Variants in NUGGC observed in about 807,000 individuals in gnomAD.
NUGGC encodes nuclear GTPase SLIP-GC.
Under a neutral mutation model 92.6 loss-of-function variants are expected in NUGGC, and 58 were observed. The observed-to-expected ratio is 0.63, with a 90% CI of 0.51 to 0.78. The LOEUF is 0.78. Among genes scored for constraint, NUGGC ranks in the 30% least tolerant of loss-of-function variants. The pLI is 0.00. For synonymous variants in NUGGC, 376 were observed against 366.4 expected (o/e 1.03, Z -0.30); for missense variants, 925 against 964.6 (o/e 0.96, Z 0.54).
At chr8:28,030,466 G>C in intron 15 of NUGGC, 48 bp from the exon 16 acceptor site, 1 of 1,010,090 alleles carries the variant, frequency 9.9e-7, no homozygotes, top group Non-Finnish European at 1.5e-6. Flanking sequence ...TCCTTCAATG[G>C]AAGCAGGTCA....
At chr8:28,057,162 G>A (rs1238533548) in intron 9 of NUGGC, among the ~76,000 whole-genome samples, 1 of 152,092 alleles carries the variant, frequency 6.6e-6, no homozygotes, top group Non-Finnish European at 1.5e-5. Context: ...GACATTACAA[G>A]AAAAAGTTGA....
intron 12 of NUGGC, among the ~76,000 whole-genome samples, chr8:28,042,091 G>C (rs1809714974): frequency 6.6e-6 from 1 of 152,108 alleles, no homozygotes; most frequent in African/African-American, 2.4e-5. Flanking sequence ...TATAAAACAT[G>C]CCACCATGTA....
At chr8:28,029,974 G>A (rs1026583296) in intron 16 of NUGGC, among the ~76,000 whole-genome samples, 6 of 152,174 alleles carry the variant, frequency 3.9e-5, no homozygotes, top group African/African-American at 1.4e-4. Flanking sequence ...GAAAGAGCCT[G>A]AAAATGAGTT....
intron 1 of NUGGC, among the ~76,000 whole-genome samples, chr8:28,082,285 A>G (rs1314119628): frequency 6.6e-6 from 1 of 152,242 alleles, no homozygotes; most frequent in Non-Finnish European, 1.5e-5. Context: ...TTAGGATGAC[A>G]TGTTTTTCTC....
intron 13 of NUGGC, among the ~76,000 whole-genome samples, chr8:28,036,293 C>T (rs1465968488): frequency 6.6e-6 from 1 of 152,214 alleles, no homozygotes; most frequent in Non-Finnish European, 1.5e-5. Context: ...TGCTACCTCT[C>T]AGGCTTTTCC....
intron 10 of NUGGC, among the ~76,000 whole-genome samples, chr8:28,054,541 T>G (rs1423157419): frequency 6.6e-6 from 1 of 152,122 alleles, no homozygotes; most frequent in Admixed American, 6.6e-5. Context: ...TTGTACCTAC[T>G]TTAGTGATAA....
At chr8:28,054,525 G>A (rs1332763255) in intron 10 of NUGGC, among the ~76,000 whole-genome samples, 1 of 152,046 alleles carries the variant, frequency 6.6e-6, no homozygotes, top group Non-Finnish European at 1.5e-5. Flanking sequence ...ATAATAAGTT[G>A]TATGTTTGTA....
In NUGGC at chr8:28,045,644, TCTTAA is replaced by T; in HGVS notation, c.1324_1328del (p.Leu442ArgfsTer21). On this transcript the variant is annotated frameshift_variant, in exon 12 of 19. Transcript: ENST00000413272. LOFTEE classifies it high-confidence loss of function. ...CCAAGAGGCTCTTCCTGATGTATTC[TCTTAA>T]CTTAGGGATTTCTGGAATTCACAGG... 6.2e-7 allele frequency: 1 copy of T among 1,611,528 alleles called. No individual in the cohort carries two copies. The highest frequency in any genetic ancestry group is 8.5e-7 in the Non-Finnish European group (1 of 1,179,308).
chr8:28,056,501 T>C (rs950218940), intron 9 of NUGGC, among the ~76,000 whole-genome samples: 1 of 150,914 alleles, frequency 6.6e-6, no homozygotes, highest in Non-Finnish European at 1.5e-5. Context: ...AAATACACAG[T>C]TGACCCTTGG....
intron 7 of NUGGC, among the ~76,000 whole-genome samples, chr8:28,061,514 T>C (rs1309349805): frequency 6.6e-6 from 1 of 152,238 alleles, no homozygotes; most frequent in African/African-American, 2.4e-5. Context: ...AATTAAATCA[T>C]CATTTTGCTT....
intron 12 of NUGGC, 140 bp from the exon 13 acceptor site, chr8:28,041,355 A>G: frequency 1.2e-6 from 1 of 808,792 alleles, no homozygotes; most frequent in East Asian, 2.7e-5. Flanking sequence ...TTGTCCCCAT[A>G]AGACCTCACT....
intron 10 of NUGGC, among the ~76,000 whole-genome samples, chr8:28,054,001 G>A (rs1436843328): frequency 6.6e-6 from 1 of 152,142 alleles, no homozygotes; most frequent in African/African-American, 2.4e-5. Context: ...ATTATTGAAG[G>A]CAAAATACAG....
At chr8:28,035,748 T>A (rs1236173657) in intron 13 of NUGGC, among the ~76,000 whole-genome samples, 2 of 152,226 alleles carry the variant, frequency 1.3e-5, no homozygotes, top group Non-Finnish European at 1.5e-5. Context: ...TGAGGACCCT[T>A]GGGGCCACTG....
chr8:28,074,565 C>A, intron 1 of NUGGC, 109 bp from the exon 2 acceptor site: 2 of 696,320 alleles, frequency 2.9e-6, no homozygotes, highest in Non-Finnish European at 5.1e-6. Context: ...CCCATTCCAA[C>A]GTATCTCTGA....
chr8:28,047,511 T>G lies in NUGGC; in HGVS notation c.1308A>C (p.Glu436Asp). The stretch of plus-strand genomic sequence containing the variant: ...GATTTAAAAAACATAAATTACCCGT[T>G]TCCTCCTCGGTGAGGAGAGCCTGCT... ...YWQQALLTEE[E>D]TEIPKLREYI... is the part of the protein sequence containing the mutation. Residue 436 changes from glutamate (E) to aspartate (D), a missense_variant, in exon 11 of 19, where the codon GAA becomes GAC. By Grantham distance (45) the Glu-to-Asp change is conservative. Coordinates refer to ENST00000413272, the MANE Select transcript of NUGGC (RefSeq NM_001010906.2). 3 of 1,533,522 alleles carry G rather than the reference T, an allele frequency of 2.0e-6. No individual in the cohort carries two copies. Among genetic ancestry groups the G allele is most frequent in the Non-Finnish European group, 1.8e-6 (2 of 1,129,242 alleles). 95.0% of individuals were successfully genotyped at this position (1,533,522 alleles called of 1,614,324 possible). A position where few individuals can be genotyped will look rare whatever the true frequency, so the allele number is the denominator to read the frequency against.
rs530973121 is a variant in NUGGC at position 28,081,242 on chromosome 8, C to T, written c.-47+2533G>A. Among the ~76,000 whole-genome samples the T allele has an allele frequency of 2.1e-4, 32 of 152,136 alleles. No homozygotes were observed. The East Asian group carries it at 6.2e-3, about 29-fold the overall frequency. ...ACTGAGGCAGGAGAGTCACTTGAAG[C>T]CAGGAAACAGAGGTTGCAGTGAGTT... is the stretch of plus-strand genomic sequence containing the variant. On this transcript the variant is annotated intron_variant, in intron 1 of 18. Coordinates refer to ENST00000413272, the MANE Select transcript of NUGGC (RefSeq NM_001010906.2).
chr8:28,023,597 A>T (rs1477283353), intron 18 of NUGGC, 135 bp from the exon 19 acceptor site: 2 of 865,152 alleles, frequency 2.3e-6, no homozygotes, highest in Non-Finnish European at 3.5e-6. Context: ...ATCAGACATC[A>T]AAGCAGGTGT....
intron 10 of NUGGC, among the ~76,000 whole-genome samples, chr8:28,054,824 G>A (rs895664837): frequency 6.6e-6 from 1 of 151,562 alleles, no homozygotes; most frequent in Non-Finnish European, 1.5e-5. Flanking sequence ...GAGGCAGGAG[G>A]ATCACTTCAG....
At position 28,023,103 on chromosome 8, in the gene NUGGC, T is replaced by C. The variant is rs901728080; in HGVS notation, c.*214A>G. 2.4e-6 allele frequency: 1 copy of C among 424,218 alleles called. No individual in the cohort carries two copies. Among genetic ancestry groups the C allele is most frequent in the African/African-American group, 2.1e-5 (1 of 47,926 alleles). 26.3% of individuals were successfully genotyped at this position (424,218 alleles called of 1,614,324 possible). A position where few individuals can be genotyped will look rare whatever the true frequency, so the allele number is the denominator to read the frequency against. On this transcript the variant is annotated 3_prime_UTR_variant, in exon 19 of 19. Coordinates refer to ENST00000413272, the MANE Select transcript of NUGGC (RefSeq NM_001010906.2). The stretch of plus-strand genomic sequence containing the variant: ...AAAAAAAAAAATTACCCAGGTGTGG[T>C]GGCCTGTACCTGTAGCCCCAGCTGC...
Sources: gnomAD v4.1 joint callset for allele counts (sites outside exome capture counted in the v4.1 genomes callset) on GRCh38, gnomAD v4.1.1 for gene constraint, MANE v1.5 for transcripts, NCBI Gene and HGNC (gene_info 2026-07-23, HGNC 2026-07-21) for gene names.